KLF13: variants seen among roughly 807,000 people sequenced by gnomAD.
KLF13 encodes Krueppel-like factor 13.
KLF13 carries 8 observed loss-of-function variants against 16.7 expected under a neutral mutation model. The ratio of observed to expected loss-of-function variants is 0.48; its 90% CI spans 0.28 to 0.87. The LOEUF (loss-of-function observed/expected upper bound fraction) is 0.87. Ranked by LOEUF, KLF13 falls within the 40% of genes least tolerant of loss-of-function variation. The pLI is 0.10. For missense variants in KLF13, 447 were observed against 452.2 expected, an observed-to-expected ratio of 0.99 and a Z score of 0.10; for synonymous variants, 245 against 208.4, an observed-to-expected ratio of 1.18 and a Z score of -1.51.
downstream of KLF13, among the ~76,000 whole-genome samples, chr15:31,380,557 C>T (rs539605338): frequency 6.6e-6 from 1 of 152,344 alleles, no homozygotes; most frequent in South Asian, 2.1e-4. Context: ...GGGGTGTGGA[C>T]TGGCCTTTTC....
At chr15:31,421,616 C>A (rs11638632) in intron 1 of KLF13, among the ~76,000 whole-genome samples, 2,577 of 151,648 alleles carry the variant, frequency 0.017, 38 homozygotes, top group Non-Finnish European at 0.026. Flanking sequence ...CCATGGTAAT[C>A]ACAAAGGAAA....
intron 1 of KLF13, among the ~76,000 whole-genome samples, chr15:31,425,564 G>A (rs544680501): frequency 4.6e-5 from 7 of 152,304 alleles, no homozygotes; most frequent in Non-Finnish European, 8.8e-5. Context: ...GAAGATCTGT[G>A]GGCCTTATTG....
chr15:31,420,454 C>A, intron 1 of KLF13: 2 of 852,260 alleles, frequency 2.3e-6, no homozygotes, highest in Non-Finnish European at 3.9e-6. Flanking sequence ...ACATAGACAC[C>A]CAGGGTAACA....
At chr15:31,339,763 C>G (rs1224788384) in intron 1 of KLF13, among the ~76,000 whole-genome samples, 1 of 152,226 alleles carries the variant, frequency 6.6e-6, no homozygotes, top group Admixed American at 6.5e-5. Context: ...CTGTTAAATT[C>G]TAACTGCTCA....
chr15:31,394,859 A>C (rs2039933702), intron 2 of KLF13, among the ~76,000 whole-genome samples: 1 of 152,162 alleles, frequency 6.6e-6, no homozygotes, highest in African/African-American at 2.4e-5. Flanking sequence ...GCCTCTTCTG[A>C]ATATCTCATA....
upstream of KLF13, among the ~76,000 whole-genome samples, chr15:31,388,096 T>A (rs946304094): frequency 1.3e-5 from 2 of 152,208 alleles, no homozygotes; most frequent in Non-Finnish European, 2.9e-5. Context: ...GGAGTCGAAG[T>A]CATCTGTCCT....
At chr15:31,334,507 A>T (rs1288967934) in intron 1 of KLF13, among the ~76,000 whole-genome samples, 28 of 151,412 alleles carry the variant, frequency 1.8e-4, no homozygotes, top group African/African-American at 6.8e-4. Context: ...GGCTCACTGC[A>T]ACCTCCGCCT....
At chr15:31,328,127 G>C (rs2038754224) in intron 1 of KLF13, among the ~76,000 whole-genome samples, 1 of 150,020 alleles carries the variant, frequency 6.7e-6, no homozygotes, top group African/African-American at 2.4e-5. Context: ...GGGCAGGTGC[G>C]GGCGGCCTGG....
At chr15:31,392,317 C>T (rs1484631122), upstream of KLF13, among the ~76,000 whole-genome samples, 2 of 152,252 alleles carry the variant, frequency 1.3e-5, no homozygotes, top group Non-Finnish European at 2.9e-5. Flanking sequence ...GTACCGCGGG[C>T]AGCGACTATC....
chr15:31,362,160 G>A (rs1365371020), intron 1 of KLF13, among the ~76,000 whole-genome samples: 3 of 152,192 alleles, frequency 2.0e-5, no homozygotes, highest in African/African-American at 4.8e-5. Context: ...GGCTTCTGAC[G>A]TGGAATTACA....
intron 1 of KLF13, among the ~76,000 whole-genome samples, chr15:31,328,769 A>C (rs1004576241): frequency 1.3e-5 from 2 of 152,176 alleles, no homozygotes; most frequent in African/African-American, 2.4e-5. Flanking sequence ...TTTTAACATA[A>C]AGATGAAAAT....
downstream of KLF13, among the ~76,000 whole-genome samples, chr15:31,407,634 A>G (rs1326140943): frequency 2.6e-5 from 4 of 152,254 alleles, no homozygotes; most frequent in African/African-American, 9.6e-5. Flanking sequence ...GTCACGAGAA[A>G]GTAAAAATCA....
chr15:31,420,877 G>A (rs567353302), intron 1 of KLF13, among the ~76,000 whole-genome samples: 26 of 152,104 alleles, frequency 1.7e-4, no homozygotes, highest in African/African-American at 6.0e-4. Flanking sequence ...ATTTTTAGTA[G>A]AGACAAGGTT....
chr15:31,327,446 CG>C lies in KLF13; in HGVS notation c.235del (p.Ala79ProfsTer110). On this transcript the variant is annotated frameshift_variant, in exon 1 of 2. Transcript: ENST00000307145. LOFTEE classifies it high-confidence loss of function. ...ACCTCAACCAGCAAGCGCCGGCGCCCGCCCCGGCGGAGCGCAGGGAGGGCGC... is the reference window on the plus strand; with the variant it reads ...ACCTCAACCAGCAAGCGCCGGCGCCCCCCCGGCGGAGCGCAGGGAGGGCGC... The part of the protein sequence containing the change: ...ADLNQQAPAP[A>X]PAERREGAAA... The C allele has an allele frequency of 1.6e-6, 2 of 1,245,242 alleles. No individual in the cohort carries two copies. Among genetic ancestry groups the C allele is most frequent in the South Asian group, 2.6e-5 (1 of 38,408 alleles). The allele number at this position is 1,245,242 out of a possible 1,614,324, so 77.1% of individuals were successfully genotyped here. A position where few individuals can be genotyped will look rare whatever the true frequency, so the allele number is the denominator to read the frequency against.
In KLF13 at chr15:31,376,501, A is replaced by G. The variant is rs534203463; in HGVS notation, c.*4202A>G. The G allele has an allele frequency of 3.3e-5, 5 of 152,570 alleles. No individual in the cohort carries two copies. The highest frequency in any genetic ancestry group is 7.4e-5 in the Non-Finnish European group (5 of 68,010). The allele number at this position is 152,570 out of a possible 1,614,324, so 9.5% of individuals were successfully genotyped here. A position where few individuals can be genotyped will look rare whatever the true frequency, so the allele number is the denominator to read the frequency against. On this transcript the variant is annotated 3_prime_UTR_variant, in exon 2 of 2. Transcript: ENST00000307145. ...ACAATTCTGGTCACCATATTTTCCA[A>G]AGCTAAAATCTGAGGCGTGGGCTGA... is the stretch of plus-strand genomic sequence containing the variant.
Position 31,374,218 on chromosome 15 carries a change from T to G in KLF13, c.*1919T>G, listed in dbSNP as rs1378668684. 1 of 152,636 alleles carries G rather than the reference T, an allele frequency of 6.6e-6. No homozygotes were observed. The highest frequency in any genetic ancestry group is 1.5e-5 in the Non-Finnish European group (1 of 68,238). 9.5% of individuals were successfully genotyped at this position (152,636 alleles called of 1,614,324 possible). A position where few individuals can be genotyped will look rare whatever the true frequency, so the allele number is the denominator to read the frequency against. On this transcript the variant is annotated 3_prime_UTR_variant, in exon 2 of 2. Coordinates refer to ENST00000307145, the MANE Select transcript of KLF13 (RefSeq NM_015995.4). Reference sequence around the variant, plus strand: ...GTCAGGTGCCCGCTTCTTACCACTGTGTGTCAGCTGGGATTGGCCGACAGC... The same window carrying G: ...GTCAGGTGCCCGCTTCTTACCACTGGGTGTCAGCTGGGATTGGCCGACAGC...
chr15:31,429,199 AG>A (rs2040438426), intron 1 of KLF13, among the ~76,000 whole-genome samples: 1 of 149,850 alleles, frequency 6.7e-6, no homozygotes, highest in African/African-American at 2.6e-5. Flanking sequence ...CAGCGTTTTC[AG>A]TGCAGCGTTT....
chr15:31,331,658 A>T (rs2038836046), intron 1 of KLF13, among the ~76,000 whole-genome samples: 1 of 152,190 alleles, frequency 6.6e-6, no homozygotes, highest in Non-Finnish European at 1.5e-5. Flanking sequence ...CCAGTGGCTC[A>T]GCACGCCCAC....
intron 1 of KLF13, among the ~76,000 whole-genome samples, chr15:31,342,953 C>T (rs544137379): frequency 1.3e-5 from 2 of 152,350 alleles, no homozygotes; most frequent in Admixed American, 1.3e-4. Flanking sequence ...GCTCTCCCGG[C>T]GTCTGATTGC....
Sources: allele counts gnomAD v4.1 joint callset (sites outside exome capture counted in the v4.1 genomes callset), GRCh38; gene constraint gnomAD v4.1.1; transcripts MANE v1.5; gene names NCBI Gene and HGNC (gene_info 2026-07-23, HGNC 2026-07-21).